Variants in CNTNAP2 observed in about 807,000 individuals in gnomAD.
CNTNAP2 encodes the protein contactin-associated protein-like 2.
CNTNAP2 carries 98 observed loss-of-function variants against 155.2 expected under a neutral mutation model. The observed-to-expected ratio is 0.63, with a 90% CI of 0.54 to 0.75. CNTNAP2 has a LOEUF of 0.75. Ranked by LOEUF, CNTNAP2 falls within the 30% of genes least tolerant of loss-of-function variation. The pLI is 0.00. For synonymous variants in CNTNAP2, 651 were observed against 631.2 expected (o/e 1.03, Z -0.47); for missense variants, 1,727 against 1,688.1 (o/e 1.02, Z -0.40).
chr7:147,605,999 T>C (rs1168820664), intron 12 of CNTNAP2, among the ~76,000 whole-genome samples: 1 of 151,832 alleles, frequency 6.6e-6, no homozygotes, highest in Non-Finnish European at 1.5e-5. Flanking sequence ...TAATAGTGAG[T>C]AGCAAGTCTA....
intron 12 of CNTNAP2, among the ~76,000 whole-genome samples, chr7:147,584,967 T>A (rs1324663766): frequency 6.6e-6 from 1 of 152,146 alleles, no homozygotes; most frequent in Non-Finnish European, 1.5e-5. Context: ...TTGATTGGCA[T>A]GACCCTCAGT....
chr7:146,163,517 C>CTATATCTATATATCTATATATATCTA (rs1798259919), intron 1 of CNTNAP2, among the ~76,000 whole-genome samples: 1 of 145,078 alleles, frequency 6.9e-6, no homozygotes, highest in Non-Finnish European at 1.5e-5. Context: ...CTATATATAT[C>CTATATCTATATATCTATATATATCTA]TATATATATC....
At chr7:148,101,672 C>A (rs1254713479) in intron 15 of CNTNAP2, among the ~76,000 whole-genome samples, 3 of 152,114 alleles carry the variant, frequency 2.0e-5, no homozygotes, top group Non-Finnish European at 4.4e-5. Context: ...TCGTCCAGAG[C>A]CCCTAGACTG....
chr7:146,752,945 T>G (rs867528779), intron 1 of CNTNAP2, among the ~76,000 whole-genome samples: 1 of 152,150 alleles, frequency 6.6e-6, no homozygotes, highest in African/African-American at 2.4e-5. Flanking sequence ...TTAATAATAA[T>G]TACAGAGTAA....
intron 16 of CNTNAP2, among the ~76,000 whole-genome samples, chr7:148,123,727 A>T (rs891490090): frequency 2.0e-5 from 3 of 147,130 alleles, no homozygotes; most frequent in Non-Finnish European, 4.4e-5. Context: ...AAAGAAAAGA[A>T]AAAGGAAGAA....
At chr7:148,105,641 G>A (rs759796617) in intron 15 of CNTNAP2, among the ~76,000 whole-genome samples, 23 of 151,170 alleles carry the variant, frequency 1.5e-4, no homozygotes, top group African/African-American at 2.7e-4. Context: ...AGGCTGGAGC[G>A]CAATGGCACA....
At chr7:146,443,961 A>T (rs1472385069) in intron 1 of CNTNAP2, among the ~76,000 whole-genome samples, 1 of 152,224 alleles carries the variant, frequency 6.6e-6, no homozygotes, top group Non-Finnish European at 1.5e-5. Context: ...TCAGTTTGTG[A>T]AAAATTAATC....
At chr7:146,119,007 T>C (rs1179724627) in intron 1 of CNTNAP2, among the ~76,000 whole-genome samples, 1 of 152,116 alleles carries the variant, frequency 6.6e-6, no homozygotes, top group Non-Finnish European at 1.5e-5. Flanking sequence ...GTTTCATGGA[T>C]TCAGTACTTT....
chr7:147,745,157 A>C (rs1336902070), intron 13 of CNTNAP2, among the ~76,000 whole-genome samples: 1 of 152,196 alleles, frequency 6.6e-6, no homozygotes, highest in African/African-American at 2.4e-5. Flanking sequence ...GTTTAGGCAA[A>C]TCAATTTCTC....
intron 1 of CNTNAP2, among the ~76,000 whole-genome samples, chr7:146,735,707 ATGCATATATATG>A (rs1440830518): frequency 3.3e-5 from 5 of 152,192 alleles, no homozygotes; most frequent in African/African-American, 1.2e-4. Context: ...ATATATACAT[ATGCATATATATG>A]TGTAGAGAAT....
At chr7:147,442,459 G>C (rs1797659100) in intron 10 of CNTNAP2, among the ~76,000 whole-genome samples, 1 of 152,154 alleles carries the variant, frequency 6.6e-6, no homozygotes, top group African/African-American at 2.4e-5. Flanking sequence ...GGAGCCAAGT[G>C]CTGGAATTAG....
chr7:147,265,757 A>G (rs1804593174), intron 8 of CNTNAP2, among the ~76,000 whole-genome samples: 1 of 152,086 alleles, frequency 6.6e-6, no homozygotes, highest in Non-Finnish European at 1.5e-5. Flanking sequence ...GAGCATTCCT[A>G]CTGGCATCCG....
intron 1 of CNTNAP2, among the ~76,000 whole-genome samples, chr7:146,211,216 A>C (rs1445543934): frequency 6.6e-6 from 1 of 152,204 alleles, no homozygotes; most frequent in East Asian, 1.9e-4. Flanking sequence ...GAAATCAGTT[A>C]CTGTGCATAA....
At position 146,456,711 on chromosome 7, in the gene CNTNAP2, T is replaced by C. The variant is rs1796560241; in HGVS notation, c.98-317560T>C. The stretch of plus-strand genomic sequence containing the variant: ...TGTGATGCTGTGAAGCAATGCCTTG[T>C]CAGCATCAGGCCTAAAAGAGGTCAG... On this transcript the variant is annotated intron_variant, in intron 1 of 23. Transcript: ENST00000361727. 2.0e-5 allele frequency among the ~76,000 whole-genome samples: 3 copies of C among 152,182 alleles called. No individual in the cohort carries two copies. The South Asian group carries it at 6.2e-4, about 31-fold the overall frequency.
chr7:147,305,513 T>C, intron 9 of CNTNAP2, among the ~76,000 whole-genome samples: 1 of 152,196 alleles, frequency 6.6e-6, no homozygotes, highest in East Asian at 1.9e-4. Flanking sequence ...CAGAATCCAC[T>C]TGTCAGCACT....
chr7:148,252,707 G>C (rs1160003647), intron 20 of CNTNAP2, among the ~76,000 whole-genome samples: 2 of 152,024 alleles, frequency 1.3e-5, no homozygotes, highest in Non-Finnish European at 2.9e-5. Flanking sequence ...CTTCACGCCA[G>C]GCAGTGCCAG....
intron 8 of CNTNAP2, among the ~76,000 whole-genome samples, chr7:147,283,326 TA>T (rs1163612301): frequency 6.6e-6 from 1 of 151,604 alleles, no homozygotes; most frequent in Non-Finnish European, 1.5e-5. Flanking sequence ...GGCTTTTTTT[TA>T]AAAAAAACTG....
At chr7:147,368,023 C>A (rs1234287625) in intron 9 of CNTNAP2, among the ~76,000 whole-genome samples, 1 of 66,416 alleles carries the variant, frequency 1.5e-5, no homozygotes, top group Admixed American at 1.5e-4. Context: ...TCCCCCCCCT[C>A]CCCCTCCTCC....
chr7:148,336,866 C>T (rs576361080), intron 21 of CNTNAP2, among the ~76,000 whole-genome samples: 1 of 152,316 alleles, frequency 6.6e-6, no homozygotes, highest in South Asian at 2.1e-4. Flanking sequence ...GCAGGCTTAT[C>T]TCTGCTCATT....
Sources: allele counts gnomAD v4.1 joint callset (sites outside exome capture counted in the v4.1 genomes callset), GRCh38; gene constraint gnomAD v4.1.1; transcripts MANE v1.5; gene names NCBI Gene and HGNC (gene_info 2026-07-23, HGNC 2026-07-21).